The following HNRNPR variants were observed in gnomAD, a reference collection of about 807,000 sequenced individuals.
HNRNPR encodes heterogeneous nuclear ribonucleoprotein R.
A neutral mutation model predicts 70.3 loss-of-function variants in HNRNPR; 4 were observed. The observed-to-expected ratio is 0.06, with a 90% CI of 0.03 to 0.13. The LOEUF (loss-of-function observed/expected upper bound fraction) is 0.13. Among genes scored for constraint, HNRNPR ranks in the 10% least tolerant of loss-of-function variants. The pLI, the probability that HNRNPR is intolerant of heterozygous loss-of-function variation, is 1.00. For synonymous variants in HNRNPR, 241 were observed against 267.6 expected (o/e 0.90, Z 0.97); for missense variants, 423 against 788.5 (o/e 0.54, Z 5.55).
Position 23,307,476 on chromosome 1 carries a change from C to T in HNRNPR, c.*2978G>A, listed in dbSNP as rs1032488643. 1 of 151,920 alleles carries T rather than the reference C, an allele frequency of 6.6e-6. No individual in the cohort carries two copies. Among genetic ancestry groups the T allele is most frequent in the Admixed American group, 6.6e-5 (1 of 15,254 alleles). The allele number at this position is 151,920 out of a possible 1,614,324, so 9.4% of individuals were successfully genotyped here. A position where few individuals can be genotyped will look rare whatever the true frequency, so the allele number is the denominator to read the frequency against. ...TCAGAAAGCATTGGGCTTTCTTATG[C>T]AGAATAACCCCAGTAACTAAAAAAA... On this transcript the variant is annotated 3_prime_UTR_variant, in exon 11 of 11. Coordinates refer to ENST00000302271, the MANE Select transcript of HNRNPR (RefSeq NM_005826.5).
intron 1 of HNRNPR, among the ~76,000 whole-genome samples, chr1:23,341,910 G>C (rs1194456711): frequency 6.6e-6 from 1 of 152,108 alleles, no homozygotes; most frequent in Non-Finnish European, 1.5e-5. Context: ...TGCTGAAATG[G>C]ACTGACTCCC....
chr1:23,328,338 G>C (rs1168163626), intron 5 of HNRNPR, among the ~76,000 whole-genome samples: 2 of 152,210 alleles, frequency 1.3e-5, no homozygotes, highest in Admixed American at 6.5e-5. Flanking sequence ...AGGCTGACTG[G>C]TCAGGTGAAC....
At chr1:23,337,020 C>A (rs1310630398) in intron 4 of HNRNPR, among the ~76,000 whole-genome samples, 1 of 152,126 alleles carries the variant, frequency 6.6e-6, no homozygotes, top group Non-Finnish European at 1.5e-5. Flanking sequence ...GTAAGGTAGT[C>A]ACTATTACTA....
Position 23,318,305 on chromosome 1 carries a change from G to A in HNRNPR, c.1017+178C>T, listed in dbSNP as rs1357977033. 6.6e-6 allele frequency among the ~76,000 whole-genome samples: 1 copy of A among 152,124 alleles called. No individual in the cohort carries two copies. The highest frequency in any genetic ancestry group is 2.4e-5 in the African/African-American group (1 of 41,426). On this transcript the variant is annotated intron_variant, in intron 8 of 10. Coordinates refer to ENST00000302271, the MANE Select transcript of HNRNPR (RefSeq NM_005826.5). The surrounding 1 kb of genome is among the most constrained non-coding windows in gnomAD (Gnocchi z 4.2). ...ATCTGCAGGAAAAGGGATTGTTAAT[G>A]GAAATTCCTGGATACCAAGACAGGC...
At chr1:23,334,260 G>A (rs1364154693) in intron 4 of HNRNPR, among the ~76,000 whole-genome samples, 6 of 124,292 alleles carry the variant, frequency 4.8e-5, no homozygotes, top group South Asian at 2.5e-4. Context: ...TTTTTGAGAC[G>A]GAGTCTCGCT....
Position 23,310,610 on chromosome 1 carries a change from A to G in HNRNPR, c.1746T>C (p.Asp582=). 6.2e-7 allele frequency: 1 copy of G among 1,614,150 alleles called. No individual in the cohort carries two copies. Among genetic ancestry groups the G allele is most frequent in the Non-Finnish European group, 8.5e-7 (1 of 1,180,022 alleles). ...KRKADGYNQP[D]SKRRQTNNQQ... ...GGTTGTTGGTCTGACGACGCTTGGA[A>G]TCAGGCTGGTTGTACCCATCTGCCT... Residue 582 remains aspartate, a synonymous_variant, in exon 11 of 11, where the codon GAT becomes GAC. Coordinates refer to ENST00000302271, the MANE Select transcript of HNRNPR (RefSeq NM_005826.5). This position sits in a 1 kb window ranked among gnomAD's most constrained non-coding sequence, Gnocchi z 6.0.
chr1:23,309,899 T>G lies in HNRNPR; in HGVS notation c.*555A>C, dbSNP rs1234551273. On this transcript the variant is annotated 3_prime_UTR_variant, in exon 11 of 11. Transcript: ENST00000302271. ...CTTTTGACGTTTAAGCCAAACAAAT[T>G]TTGTAGGGCAGATTTCAAAAAGGTG... The G allele has an allele frequency of 6.6e-6, 1 of 152,614 alleles. No individual in the cohort carries two copies. The highest frequency in any genetic ancestry group is 1.5e-5 in the Non-Finnish European group (1 of 68,032). The allele number at this position is 152,614 out of a possible 1,614,324, so 9.5% of individuals were successfully genotyped here. A position where few individuals can be genotyped will look rare whatever the true frequency, so the allele number is the denominator to read the frequency against.
At chr1:23,340,818 A>G (rs1241074406) in intron 2 of HNRNPR, 34 bp downstream of exon 2, 2 of 1,559,498 alleles carry the variant, frequency 1.3e-6, no homozygotes, top group Non-Finnish European at 1.7e-6. Flanking sequence ...CCTCACTTTC[A>G]TAACCAGTCA....
chr1:23,341,219 T>G (rs1161719612), intron 1 of HNRNPR, among the ~76,000 whole-genome samples: 5 of 152,196 alleles, frequency 3.3e-5, no homozygotes, highest in Non-Finnish European at 7.4e-5. Context: ...CATGGAAGCA[T>G]TAGATCTTTA....
chr1:23,329,590 A>G (rs534995173), intron 5 of HNRNPR, among the ~76,000 whole-genome samples: 1 of 152,302 alleles, frequency 6.6e-6, no homozygotes, highest in East Asian at 1.9e-4. Context: ...TTTATCCATC[A>G]AGTACTTCAA....
chr1:23,331,834 T>TAAA lies in HNRNPR; in HGVS notation c.498+1681_498+1683dup, dbSNP rs59006948. On this transcript the variant is annotated intron_variant, in intron 5 of 10. Transcript: ENST00000302271. ...CTGGGTGACAGTGAGACTGTTTCTT[T>TAAA]AAAAAAAAAAAAAAAAAAAAAAAAA... 3.5e-3 allele frequency among the ~76,000 whole-genome samples: 205 copies of TAAA among 59,260 alleles called. 11 individuals carry two copies. The highest frequency in any genetic ancestry group is 8.7e-3 in the South Asian group (6 of 692). The allele number at this position is 59,260 out of a possible 152,430, so 38.9% of individuals were successfully genotyped here. A position where few individuals can be genotyped will look rare whatever the true frequency, so the allele number is the denominator to read the frequency against.
At chr1:23,328,682 G>C (rs1428895271) in intron 5 of HNRNPR, among the ~76,000 whole-genome samples, 1 of 152,092 alleles carries the variant, frequency 6.6e-6, no homozygotes, top group Admixed American at 6.6e-5. Context: ...GTATTTTTAG[G>C]AGAGATGGGG....
intron 4 of HNRNPR, among the ~76,000 whole-genome samples, chr1:23,337,542 A>T (rs991029925): frequency 6.6e-6 from 1 of 152,006 alleles, no homozygotes; most frequent in African/African-American, 2.4e-5. Context: ...CTGTAATCCC[A>T]GCTACTTGGG....
chr1:23,333,793 T>C (rs1646342063), intron 4 of HNRNPR, among the ~76,000 whole-genome samples, 162 bp from the exon 5 acceptor site: 1 of 152,198 alleles, frequency 6.6e-6, no homozygotes, highest in Non-Finnish European at 1.5e-5. Context: ...CCATACATGT[T>C]TCTACTGGTG....
intron 5 of HNRNPR, among the ~76,000 whole-genome samples, chr1:23,331,405 T>TTAAAAAA (rs1160009471): frequency 0.043 from 5,465 of 127,162 alleles, 192 homozygotes; most frequent in Non-Finnish European, 0.064. Context: ...CACAAAAAAT[T>TTAAAAAA]AAAAAAAAAA....
At chr1:23,332,923 C>T (rs1646301380) in intron 5 of HNRNPR, among the ~76,000 whole-genome samples, 1 of 152,114 alleles carries the variant, frequency 6.6e-6, no homozygotes, top group Non-Finnish European at 1.5e-5. Flanking sequence ...GAGGCTAACG[C>T]CTGTAATCCC....
intron 10 of HNRNPR, 41 bp downstream of exon 10, chr1:23,311,160 A>G: frequency 6.2e-7 from 1 of 1,612,196 alleles, no homozygotes; most frequent in Non-Finnish European, 8.5e-7. Context: ...TTATCACGTT[A>G]TTCCTTGTCC....
At chr1:23,312,160 T>G (rs1645362045) in intron 9 of HNRNPR, among the ~76,000 whole-genome samples, 1 of 152,186 alleles carries the variant, frequency 6.6e-6, no homozygotes, top group African/African-American at 2.4e-5. Context: ...TATCAGTGAT[T>G]TATAAGTATC....
intron 5 of HNRNPR, 70 bp downstream of exon 5, chr1:23,333,448 A>G (rs1212510445): frequency 1.1e-6 from 1 of 883,368 alleles, no homozygotes; most frequent in Non-Finnish European, 1.9e-6. Flanking sequence ...CCGTCTGTAC[A>G]GTATCTGCAT....
Sources: gnomAD v4.1 joint callset for allele counts (sites outside exome capture counted in the v4.1 genomes callset) on GRCh38, gnomAD v4.1.1 for gene constraint, Gnocchi (gnomAD v3.1) non-coding constraint, MANE v1.5 for transcripts, NCBI Gene and HGNC (gene_info 2026-07-23, HGNC 2026-07-21) for gene names.